Variants in ASCL5 observed in about 807,000 individuals in gnomAD.
The protein encoded by ASCL5 is achaete-scute family bHLH transcription factor 5.
For missense variants in ASCL5, 262 were observed against 268.9 expected, an observed-to-expected ratio of 0.97 and a Z score of 0.18; for synonymous variants, 124 against 131.5, an observed-to-expected ratio of 0.94 and a Z score of 0.39.
At chr1:201,121,222 A>G (rs879652538) in intron 1 of ASCL5, among the ~76,000 whole-genome samples, 6 of 152,236 alleles carry the variant, frequency 3.9e-5, no homozygotes, top group Non-Finnish European at 7.3e-5. Flanking sequence ...ACCACAGAAC[A>G]CTTAAAAAAT....
intron 1 of ASCL5, among the ~76,000 whole-genome samples, chr1:201,122,409 C>T (rs778434139): frequency 2.2e-4 from 34 of 152,298 alleles, no homozygotes; most frequent in Admixed American, 3.9e-4. Context: ...GATGGGCTCG[C>T]GTGGATTAGG....
chr1:201,124,755 A>G (rs12060696), intron 1 of ASCL5, among the ~76,000 whole-genome samples: 36,255 of 152,162 alleles, frequency 0.24, 5,750 homozygotes, highest in African/African-American at 0.45. Flanking sequence ...CACTTGTGAT[A>G]CTTCACACTC....
intron 1 of ASCL5, among the ~76,000 whole-genome samples, chr1:201,125,999 A>T (rs997866602): frequency 2.6e-5 from 4 of 152,198 alleles, no homozygotes; most frequent in Admixed American, 6.5e-5. Flanking sequence ...ACTGAGTGGG[A>T]GGAAATGCTG....
intron 1 of ASCL5, 139 bp from the exon 2 acceptor site, chr1:201,116,016 G>T (rs2102198870): frequency 6.6e-6 from 1 of 152,326 alleles, no homozygotes; most frequent in South Asian, 2.1e-4. Context: ...GCACAGATCT[G>T]GGTTAAAATC....
Position 201,115,084 on chromosome 1 carries a change from T to G in ASCL5, c.289A>C (p.Lys97Gln). ...CGAGCGTAGCCCTCGTTGACGCACT[T>G]GACTCGCTGCCTCTCGCGCTCGTTG... ...KRNERERQRVKCVNEGYARLR... is the reference protein window; with the variant it reads ...KRNERERQRVQCVNEGYARLR... The change falls in exon 2 of 2, where the codon AAG becomes CAG. Residue 97 changes from lysine to glutamine, a missense_variant. Transcript: ENST00000449188. 6 of 1,231,820 alleles carry G rather than the reference T, an allele frequency of 4.9e-6. No individual in the cohort carries two copies. The highest frequency in any genetic ancestry group is 4.0e-6 in the Non-Finnish European group (4 of 988,096). 76.3% of individuals were successfully genotyped at this position (1,231,820 alleles called of 1,614,324 possible). A position where few individuals can be genotyped will look rare whatever the true frequency, so the allele number is the denominator to read the frequency against.
At chr1:201,118,376 G>T (rs898914643) in intron 1 of ASCL5, among the ~76,000 whole-genome samples, 2 of 151,986 alleles carry the variant, frequency 1.3e-5, no homozygotes, top group African/African-American at 4.8e-5. Context: ...AGCTACTCAG[G>T]GGGAGGCTGA....
chr1:201,113,990 G>C lies in ASCL5; in HGVS notation c.*762C>G, dbSNP rs111332210. The C allele has an allele frequency of 6.6e-6, 1 of 152,022 alleles. No homozygotes were observed. Among genetic ancestry groups the C allele is most frequent in the Non-Finnish European group, 1.5e-5 (1 of 68,028 alleles). The allele number at this position is 152,022 out of a possible 1,614,324, so 9.4% of individuals were successfully genotyped here. ...TCCTTTTATTTAGCTCTTTGGTGCCGACGCAGTGCCTATGTACCTATATGC... is the reference window on the plus strand; with the variant it reads ...TCCTTTTATTTAGCTCTTTGGTGCCCACGCAGTGCCTATGTACCTATATGC... On this transcript the variant is annotated 3_prime_UTR_variant, in exon 2 of 2. Coordinates refer to ENST00000449188, the MANE Select transcript of ASCL5 (RefSeq NM_001270601.2).
Position 201,114,988 on chromosome 1 carries a change from T to C in ASCL5, c.385A>G (p.Ile129Val). 17 of 1,231,618 alleles carry C rather than the reference T, an allele frequency of 1.4e-5. No individual in the cohort carries two copies. The highest frequency in any genetic ancestry group is 4.1e-5 in the South Asian group (1 of 24,322). The allele number at this position is 1,231,618 out of a possible 1,614,324, so 76.3% of individuals were successfully genotyped here. ...TCTTGCAGGTACTTTATGTAGCGGA[T>C]GGCGGCGCGCAGCGTCTCCACCTTG... ...LSKVETLRAA[I>V]RYIKYLQELL... The change falls in exon 2 of 2, where the codon ATC (isoleucine) becomes GTC (valine). Residue 129 changes from isoleucine to valine, a missense_variant. Coordinates refer to ENST00000449188, the MANE Select transcript of ASCL5 (RefSeq NM_001270601.2).
chr1:201,123,974 G>A (rs919074279), intron 1 of ASCL5, among the ~76,000 whole-genome samples: 2 of 152,196 alleles, frequency 1.3e-5, no homozygotes, highest in South Asian at 2.1e-4. Context: ...TAGGAACCCA[G>A]TATTTAACTT....
At position 201,114,994 on chromosome 1, in the gene ASCL5, C is replaced by CG; in HGVS notation, c.378dup (p.Ala127ArgfsTer150). ...AGGTACTTTATGTAGCGGATGGCGGCGCGCAGCGTCTCCACCTTGCTGAGT... is the reference window on the plus strand; with the variant it reads ...AGGTACTTTATGTAGCGGATGGCGGCGGCGCAGCGTCTCCACCTTGCTGAGT... On this transcript the variant is annotated frameshift_variant, in exon 2 of 2. Coordinates refer to ENST00000449188, the MANE Select transcript of ASCL5 (RefSeq NM_001270601.2). LOFTEE classifies it low-confidence loss of function (END_TRUNC). The CG allele has an allele frequency of 5.7e-6, 7 of 1,231,690 alleles. No individual in the cohort carries two copies. Among genetic ancestry groups the CG allele is most frequent in the Non-Finnish European group, 6.1e-6 (6 of 987,986 alleles). The allele number at this position is 1,231,690 out of a possible 1,614,324, so 76.3% of individuals were successfully genotyped here.
At chr1:201,116,628 A>C (rs114986645) in intron 1 of ASCL5, among the ~76,000 whole-genome samples, 1 of 152,212 alleles carries the variant, frequency 6.6e-6, no homozygotes, top group Non-Finnish European at 1.5e-5. Flanking sequence ...GACTGATTAC[A>C]CGTAGCCTTT....
chr1:201,114,124 C>G lies in ASCL5; in HGVS notation c.*628G>C, dbSNP rs1434552937. On this transcript the variant is annotated 3_prime_UTR_variant, in exon 2 of 2. Coordinates refer to ENST00000449188, the MANE Select transcript of ASCL5 (RefSeq NM_001270601.2). ...TGGGGGGGATGCGGGGAGGGAGTAA[C>G]CCCCCCTCCCAACCCAGGAAGCCAG... is the stretch of plus-strand genomic sequence containing the variant. The G allele has an allele frequency of 6.6e-6, 1 of 152,018 alleles. No homozygotes were observed. Among genetic ancestry groups the G allele is most frequent in the Non-Finnish European group, 1.5e-5 (1 of 68,080 alleles). The allele number at this position is 152,018 out of a possible 1,614,324, so 9.4% of individuals were successfully genotyped here.
At position 201,121,864 on chromosome 1, in the gene ASCL5, A is replaced by T. The variant is rs546450101; in HGVS notation, c.-506+5220T>A. Among the ~76,000 whole-genome samples, 4 of 152,172 alleles carry T rather than the reference A, an allele frequency of 2.6e-5. No homozygotes were observed. In the South Asian group the frequency reaches 8.3e-4, roughly 32 times the overall value. ...ACCCCAAAACAACAACAAAAACCCA[A>T]ATAGGAAATCTTACAATCTCCCTTG... On this transcript the variant is annotated intron_variant, in intron 1 of 1. Coordinates refer to ENST00000449188, the MANE Select transcript of ASCL5 (RefSeq NM_001270601.2).
At chr1:201,116,877 C>G (rs1179141447) in intron 1 of ASCL5, among the ~76,000 whole-genome samples, 1 of 152,104 alleles carries the variant, frequency 6.6e-6, no homozygotes, top group Non-Finnish European at 1.5e-5. Context: ...CAGGACTTAG[C>G]GAGTGAGTGA....
At chr1:201,125,993 A>C (rs901048746) in intron 1 of ASCL5, among the ~76,000 whole-genome samples, 1 of 152,222 alleles carries the variant, frequency 6.6e-6, no homozygotes, top group African/African-American at 2.4e-5. Flanking sequence ...ACAGGCACTG[A>C]GTGGGAGGAA....
intron 1 of ASCL5, among the ~76,000 whole-genome samples, chr1:201,116,284 T>C (rs1663347727): frequency 6.6e-6 from 1 of 152,152 alleles, no homozygotes; most frequent in Non-Finnish European, 1.5e-5. Context: ...AGACTGCTTA[T>C]TGGATTAGCA....
chr1:201,118,765 T>C (rs190279771), intron 1 of ASCL5, among the ~76,000 whole-genome samples: 18 of 152,370 alleles, frequency 1.2e-4, no homozygotes, highest in Admixed American at 9.8e-4. Flanking sequence ...TTATTATTCA[T>C]GATGTGCAAG....
Position 201,115,053 on chromosome 1 carries a change from CG to C in ASCL5, c.319del (p.Arg107AlafsTer26). The C allele has an allele frequency of 1.1e-5, 14 of 1,232,100 alleles. No individual in the cohort carries two copies. The highest frequency in any genetic ancestry group is 1.4e-5 in the Non-Finnish European group (14 of 988,312). 76.3% of individuals were successfully genotyped at this position (1,232,100 alleles called of 1,614,324 possible). ...AGCCAGGGCGCCGGGGAGGTGGCCG[CG>C]GAGGCGAGCGTAGCCCTCGTTGACG... Reference protein sequence around the residue: ...KCVNEGYARLRGHLPGALAEK... With the variant: ...KCVNEGYARLXGHLPGALAEK... On this transcript the variant is annotated frameshift_variant, in exon 2 of 2. Coordinates refer to ENST00000449188, the MANE Select transcript of ASCL5 (RefSeq NM_001270601.2). LOFTEE classifies it low-confidence loss of function (END_TRUNC).
intron 1 of ASCL5, among the ~76,000 whole-genome samples, chr1:201,121,118 G>A (rs1317930967): frequency 3.9e-5 from 6 of 152,164 alleles, no homozygotes; most frequent in African/African-American, 1.4e-4. Flanking sequence ...CCACATTAGC[G>A]TTGGCCCTTG....
Sources: allele counts gnomAD v4.1 joint callset (sites outside exome capture counted in the v4.1 genomes callset), GRCh38; gene constraint gnomAD v4.1.1; transcripts MANE v1.5; gene names NCBI Gene and HGNC (gene_info 2026-07-23, HGNC 2026-07-21).